The following NCKAP5 variants were observed in gnomAD, a reference collection of about 807,000 sequenced individuals.
NCKAP5 encodes NCK associated protein 5.
In NCKAP5, 92 loss-of-function variants were observed where a neutral mutation model predicts 167.0. The ratio of observed to expected loss-of-function variants is 0.55; its 90% confidence interval spans 0.47 to 0.66. The LOEUF (loss-of-function observed/expected upper bound fraction) is 0.66, where lower values mean the gene tolerates loss of function less well. Ranked by LOEUF, NCKAP5 falls within the 30% of genes least tolerant of loss-of-function variation. The probability of loss-of-function intolerance (pLI) is 0.00; values close to 1 mark genes in which losing one functional copy is unlikely to be tolerated. For synonymous variants in NCKAP5, 891 were observed against 877.4 expected (o/e 1.02, Z -0.27); for missense variants, 2,378 against 2,315.0 (o/e 1.03, Z -0.56).
intron 11 of NCKAP5, 114 bp downstream of exon 11, chr2:132,860,378 G>T: frequency 1.7e-6 from 2 of 1,186,832 alleles, no homozygotes; most frequent in Non-Finnish European, 2.3e-6. Context: ...GGAAAGAATT[G>T]GGATTCTGAT....
the NCKAP5 span, among the ~76,000 whole-genome samples, chr2:133,645,345 A>G: frequency 6.6e-6 from 1 of 152,214 alleles, no homozygotes; most frequent in East Asian, 1.9e-4. Flanking sequence ...AAAGGGATAT[A>G]CATTTTTAAA....
chr2:133,581,417 ATGGCTGTCCTGAGCCCCAGG>A, the NCKAP5 span, among the ~76,000 whole-genome samples: 2 of 152,306 alleles, frequency 1.3e-5, no homozygotes, highest in African/African-American at 4.8e-5. Context: ...TGGAATCTCA[ATGGCTGTCCTGAGCCCCAGG>A]TGTCAGTTTG....
intron 3 of NCKAP5, among the ~76,000 whole-genome samples, chr2:133,458,761 G>A (rs1269463335): frequency 6.6e-6 from 1 of 152,180 alleles, no homozygotes; most frequent in East Asian, 1.9e-4. Context: ...GGGGGATGAA[G>A]AGGAGGCTGA....
intron 3 of NCKAP5, among the ~76,000 whole-genome samples, chr2:133,435,263 T>G (rs1006427808): frequency 5.9e-5 from 9 of 152,184 alleles, no homozygotes; most frequent in Admixed American, 3.3e-4. Flanking sequence ...CTCCAGGACA[T>G]CTGAAACAAC....
chr2:133,610,123 A>C, the NCKAP5 span, among the ~76,000 whole-genome samples: 2 of 152,144 alleles, frequency 1.3e-5, no homozygotes, highest in Non-Finnish European at 2.9e-5. Flanking sequence ...CCAGAACAGA[A>C]GCTTAATATG....
At chr2:133,664,542 C>A in the NCKAP5 span, among the ~76,000 whole-genome samples, 4 of 152,146 alleles carry the variant, frequency 2.6e-5, no homozygotes, top group East Asian at 7.7e-4. Context: ...GCTCTGTTGC[C>A]AGGCTGGAGT....
Position 133,048,996 on chromosome 2 carries a change from C to T in NCKAP5, c.342-54757G>A, listed in dbSNP as rs2079505369. ...TGGATGTTGAATTCTCCCATAAACA[C>T]ACTACGATCAACCAGAACTCCACTT... On this transcript the variant is annotated intron_variant, in intron 6 of 19. Transcript: ENST00000409261. Among the ~76,000 whole-genome samples, 3 of 152,174 alleles carry T rather than the reference C, an allele frequency of 2.0e-5. No homozygotes were observed. In the South Asian group the frequency reaches 6.2e-4, roughly 31 times the overall value.
chr2:133,362,728 G>T (rs144796614), intron 3 of NCKAP5, among the ~76,000 whole-genome samples: 1 of 150,900 alleles, frequency 6.6e-6, no homozygotes, highest in African/African-American at 2.5e-5. Context: ...ATTGCAGCCA[G>T]ATATGTAATC....
Position 132,822,135 on chromosome 2 carries a change from C to A in NCKAP5, c.808-25406G>T, listed in dbSNP as rs529984361. 1.4e-3 allele frequency among the ~76,000 whole-genome samples: 213 copies of A among 152,226 alleles called. 1 individual carries two copies. Among genetic ancestry groups the A allele is most frequent in the African/African-American group, 4.9e-3 (202 of 41,560 alleles). On this transcript the variant is annotated intron_variant, in intron 11 of 19. Coordinates refer to ENST00000409261, the MANE Select transcript of NCKAP5 (RefSeq NM_207363.3). Reference sequence around the variant, plus strand: ...CCATTACAGCAACTCAGGACAGAATCACCTTGATCCCAGGAAGAAGACAAA... The same window carrying A: ...CCATTACAGCAACTCAGGACAGAATAACCTTGATCCCAGGAAGAAGACAAA...
intron 3 of NCKAP5, among the ~76,000 whole-genome samples, chr2:133,478,800 A>G (rs564804611): frequency 5.1e-4 from 77 of 152,166 alleles, no homozygotes; most frequent in African/African-American, 1.7e-3. Flanking sequence ...GGGAGTCACT[A>G]GAAATGTGTA....
intron 5 of NCKAP5, among the ~76,000 whole-genome samples, chr2:133,155,661 G>GT (rs1192502641): frequency 6.6e-6 from 1 of 152,166 alleles, no homozygotes; most frequent in Non-Finnish European, 1.5e-5. Flanking sequence ...TAAACCAGTA[G>GT]ACTTGTAGAC....
At chr2:133,564,997 A>G (rs1046458514) in intron 1 of NCKAP5, among the ~76,000 whole-genome samples, 1 of 152,194 alleles carries the variant, frequency 6.6e-6, no homozygotes, top group African/African-American at 2.4e-5. Flanking sequence ...CAGTGAACCA[A>G]TGCGGACGGA....
chr2:133,589,485 T>G, the NCKAP5 span, among the ~76,000 whole-genome samples: 99,634 of 151,434 alleles, frequency 0.66, 34,067 homozygotes, highest in East Asian at 0.95. Context: ...CCAGGGGGAT[T>G]CTGGATGCAC....
At chr2:132,709,881 C>T (rs1275806112) in intron 19 of NCKAP5, among the ~76,000 whole-genome samples, 1 of 151,854 alleles carries the variant, frequency 6.6e-6, no homozygotes, top group Non-Finnish European at 1.5e-5. Flanking sequence ...CGACAAAGTA[C>T]AAGAAAATAA....
intron 4 of NCKAP5, among the ~76,000 whole-genome samples, chr2:133,257,543 A>T (rs1196369097): frequency 6.6e-6 from 1 of 152,274 alleles, no homozygotes; most frequent in Non-Finnish European, 1.5e-5. Flanking sequence ...GCTTTTCATC[A>T]TACAGTATTG....
intron 3 of NCKAP5, among the ~76,000 whole-genome samples, chr2:133,398,845 T>C (rs1037372218): frequency 6.6e-6 from 1 of 152,112 alleles, no homozygotes; most frequent in Non-Finnish European, 1.5e-5. Flanking sequence ...CACCCTTCAC[T>C]GAGAGGCCCG....
the NCKAP5 span, among the ~76,000 whole-genome samples, chr2:133,610,939 C>T: frequency 6.6e-6 from 1 of 151,990 alleles, no homozygotes; most frequent in Non-Finnish European, 1.5e-5. Flanking sequence ...CTTATACTGG[C>T]CAGAGGAGAT....
intron 7 of NCKAP5, among the ~76,000 whole-genome samples, chr2:132,976,521 G>A (rs1008263235): frequency 1.3e-4 from 19 of 142,380 alleles, no homozygotes; most frequent in African/African-American, 4.0e-4. Context: ...CTGAGATGGC[G>A]CCACTGCACT....
At chr2:133,437,106 C>A (rs1690533062) in intron 3 of NCKAP5, among the ~76,000 whole-genome samples, 1 of 152,122 alleles carries the variant, frequency 6.6e-6, no homozygotes, top group Non-Finnish European at 1.5e-5. Context: ...GTAATCCCAG[C>A]ACTTTGGGAC....
Sources: allele counts gnomAD v4.1 joint callset (sites outside exome capture counted in the v4.1 genomes callset), GRCh38; gene constraint gnomAD v4.1.1; transcripts MANE v1.5; gene names NCBI Gene and HGNC (gene_info 2026-07-23, HGNC 2026-07-21).